The following HCN1 variants were observed in gnomAD, a reference collection of about 807,000 sequenced individuals.
The protein encoded by HCN1 is hyperpolarization activated cyclic nucleotide gated potassium channel 1.
Under a neutral mutation model 78.9 loss-of-function variants are expected in HCN1, and 13 were observed. The ratio of observed to expected loss-of-function variants is 0.16; its 90% CI spans 0.11 to 0.26. The LOEUF (loss-of-function observed/expected upper bound fraction) is 0.26, where lower values mean the gene tolerates loss of function less well. Among genes scored for constraint, HCN1 ranks in the 10% least tolerant of loss-of-function variants. The pLI is 1.00. For synonymous variants in HCN1, 552 were observed against 455.5 expected (o/e 1.21, Z -2.70); for missense variants, 810 against 1,154.3 (o/e 0.70, Z 4.32).
At chr5:45,669,680 G>C (rs1203954053) in intron 1 of HCN1, among the ~76,000 whole-genome samples, 1 of 151,798 alleles carries the variant, frequency 6.6e-6, no homozygotes, top group African/African-American at 2.4e-5. Context: ...ATTTCTCTGA[G>C]AGAAATGTAG....
At chr5:45,308,042 A>G (rs1745771739) in intron 5 of HCN1, among the ~76,000 whole-genome samples, 1 of 152,062 alleles carries the variant, frequency 6.6e-6, no homozygotes, top group African/African-American at 2.4e-5. Flanking sequence ...GGGGAGAAGA[A>G]CCCACATGAA....
rs959790090 is a variant in HCN1 at position 45,650,343 on chromosome 5, A to G, written c.426-4735T>C. The stretch of plus-strand genomic sequence containing the variant: ...TATCTTACACTGGAATCTCTGTGGT[A>G]TCCTGAATAAGGTGCCAGTTCTCCA... On this transcript the variant is annotated intron_variant, in intron 1 of 7. Transcript: ENST00000303230. 3.3e-5 allele frequency among the ~76,000 whole-genome samples: 5 copies of G among 152,026 alleles called. 1 individual carries two copies. The highest frequency in any genetic ancestry group is 7.4e-5 in the Non-Finnish European group (5 of 67,974).
chr5:45,433,266 G>T (rs1466505137), intron 3 of HCN1, among the ~76,000 whole-genome samples: 1 of 152,050 alleles, frequency 6.6e-6, no homozygotes, highest in Non-Finnish European at 1.5e-5. Flanking sequence ...GATTCAGTTT[G>T]CTAGTATTTT....
At chr5:45,537,071 A>C (rs1345602907) in intron 2 of HCN1, among the ~76,000 whole-genome samples, 2 of 152,166 alleles carry the variant, frequency 1.3e-5, no homozygotes, top group African/African-American at 4.8e-5. Flanking sequence ...TTTGCCTTTA[A>C]ATTTGTGGCT....
Position 45,629,735 on chromosome 5 carries a change from A to G in HCN1, c.849+15450T>C, listed in dbSNP as rs562324991. Reference sequence around the variant, plus strand: ...CTTATAAAAAAATTACTCTTATTATATCATACATTTATAAGACATGCTCCC... The same window carrying G: ...CTTATAAAAAAATTACTCTTATTATGTCATACATTTATAAGACATGCTCCC... On this transcript the variant is annotated intron_variant, in intron 2 of 7. Coordinates refer to ENST00000303230, the MANE Select transcript of HCN1 (RefSeq NM_021072.4). 2.6e-5 allele frequency among the ~76,000 whole-genome samples: 4 copies of G among 152,308 alleles called. No individual in the cohort carries two copies. The South Asian group carries it at 8.3e-4, about 32-fold the overall frequency.
At chr5:45,313,447 A>G (rs1745904050) in intron 5 of HCN1, among the ~76,000 whole-genome samples, 1 of 152,234 alleles carries the variant, frequency 6.6e-6, no homozygotes. Flanking sequence ...AAAAATTCTA[A>G]AAATCAGAGC....
chr5:45,539,027 G>GA (rs1488142810), intron 2 of HCN1, among the ~76,000 whole-genome samples: 1 of 152,096 alleles, frequency 6.6e-6, no homozygotes. Context: ...GATTTGGAAA[G>GA]AAAAATCAAC....
intron 1 of HCN1, among the ~76,000 whole-genome samples, chr5:45,657,859 A>T (rs1003236742): frequency 1.3e-5 from 2 of 152,236 alleles, no homozygotes; most frequent in Non-Finnish European, 2.9e-5. Flanking sequence ...CAAGCTACCA[A>T]TAACTTTCTT....
intron 2 of HCN1, among the ~76,000 whole-genome samples, chr5:45,581,289 T>A (rs1386255082): frequency 6.6e-6 from 1 of 152,240 alleles, no homozygotes; most frequent in Non-Finnish European, 1.5e-5. Context: ...TGATGACCAG[T>A]GATGATGAGC....
intron 5 of HCN1, among the ~76,000 whole-genome samples, chr5:45,318,176 C>T (rs749680861): frequency 6.6e-6 from 1 of 152,070 alleles, no homozygotes; most frequent in East Asian, 1.9e-4. Context: ...AAACGTCCAT[C>T]AATGATAGAC....
At chr5:45,412,928 C>A (rs1740051275) in intron 3 of HCN1, among the ~76,000 whole-genome samples, 1 of 152,028 alleles carries the variant, frequency 6.6e-6, no homozygotes, top group South Asian at 2.1e-4. Flanking sequence ...GTATATCAAG[C>A]ACATAAGATG....
At chr5:45,669,963 T>A (rs368029725) in intron 1 of HCN1, among the ~76,000 whole-genome samples, 2 of 151,694 alleles carry the variant, frequency 1.3e-5, no homozygotes, top group African/African-American at 4.8e-5. Context: ...CCCTCTGTAA[T>A]TGGAATGAAG....
At chr5:45,395,223 G>C (rs1739663718) in intron 4 of HCN1, among the ~76,000 whole-genome samples, 1 of 151,856 alleles carries the variant, frequency 6.6e-6, no homozygotes, top group Admixed American at 6.6e-5. Context: ...AAAAGCAACA[G>C]TGTAAGAGAA....
At chr5:45,576,954 T>G (rs370046774) in intron 2 of HCN1, among the ~76,000 whole-genome samples, 6 of 152,178 alleles carry the variant, frequency 3.9e-5, no homozygotes, top group African/African-American at 1.4e-4. Flanking sequence ...TAACCCTCTA[T>G]GCAAACTTAA....
At chr5:45,300,101 G>C (rs573209597) in intron 6 of HCN1, among the ~76,000 whole-genome samples, 16 of 151,998 alleles carry the variant, frequency 1.1e-4, no homozygotes, top group Non-Finnish European at 2.4e-4. Flanking sequence ...TAACTGTAAG[G>C]TATTTAAAAC....
At chr5:45,314,311 C>T (rs12520413) in intron 5 of HCN1, among the ~76,000 whole-genome samples, 8,661 of 152,126 alleles carry the variant, frequency 0.057, 370 homozygotes, top group East Asian at 0.13. Context: ...CAAGCAAATG[C>T]TGAGAGATTA....
chr5:45,346,901 C>T (rs1051665932), intron 5 of HCN1, among the ~76,000 whole-genome samples: 2 of 152,226 alleles, frequency 1.3e-5, no homozygotes, highest in East Asian at 1.9e-4. Context: ...CTCAAGGAGG[C>T]CTGCCTGCCT....
At chr5:45,314,166 C>T (rs749578601) in intron 5 of HCN1, among the ~76,000 whole-genome samples, 10 of 152,122 alleles carry the variant, frequency 6.6e-5, no homozygotes, top group South Asian at 2.1e-4. Flanking sequence ...GCGAATCTCT[C>T]GGCAGAAACT....
chr5:45,302,858 T>G (rs1000465708), intron 6 of HCN1, among the ~76,000 whole-genome samples: 2 of 151,986 alleles, frequency 1.3e-5, no homozygotes, highest in Non-Finnish European at 2.9e-5. Context: ...TGCTTTTTCC[T>G]CATTATCTCT....
Sources: gnomAD v4.1 joint callset for allele counts (sites outside exome capture counted in the v4.1 genomes callset) on GRCh38, gnomAD v4.1.1 for gene constraint, MANE v1.5 for transcripts, NCBI Gene and HGNC (gene_info 2026-07-23, HGNC 2026-07-21) for gene names.